TLL1: variants seen among roughly 807,000 people sequenced by gnomAD.
The protein encoded by TLL1 is tolloid-like protein 1.
Under a neutral mutation model 128.2 loss-of-function variants are expected in TLL1, and 49 were observed. The ratio of observed to expected loss-of-function variants is 0.38; its 90% CI spans 0.30 to 0.48. The LOEUF is 0.48. Among genes scored for constraint, TLL1 ranks in the 20% least tolerant of loss-of-function variants. The probability of loss-of-function intolerance (pLI) is 0.96; values close to 1 mark genes in which losing one functional copy is unlikely to be tolerated. For synonymous variants in TLL1, 454 were observed against 418.8 expected (o/e 1.08, Z -1.03); for missense variants, 1,123 against 1,242.0 (o/e 0.90, Z 1.44).
In TLL1 at chr4:166,101,292, C is replaced by T. The variant is rs149562352; in HGVS notation, c.*416C>T. 7.5e-6 allele frequency: 2 copies of T among 265,260 alleles called. No homozygotes were observed. The highest frequency in any genetic ancestry group is 4.6e-5 in the African/African-American group (2 of 43,904). The allele number at this position is 265,260 out of a possible 1,614,324, so 16.4% of individuals were successfully genotyped here. A position where few individuals can be genotyped will look rare whatever the true frequency, so the allele number is the denominator to read the frequency against. Reference sequence around the variant, plus strand: ...AACTGGAAAACAGTATTTTGGTTGTCTTAGGATAATTGCTGACTTTGTATC... The same window carrying T: ...AACTGGAAAACAGTATTTTGGTTGTTTTAGGATAATTGCTGACTTTGTATC... On this transcript the variant is annotated 3_prime_UTR_variant, in exon 21 of 21. Transcript: ENST00000061240.
intron 1 of TLL1, among the ~76,000 whole-genome samples, chr4:165,957,007 A>G (rs1734834681): frequency 6.6e-6 from 1 of 152,088 alleles, no homozygotes; most frequent in African/African-American, 2.4e-5. Context: ...AAATATCAGT[A>G]TTAACCTTAA....
At chr4:165,948,353 T>C (rs1734354899) in intron 1 of TLL1, among the ~76,000 whole-genome samples, 1 of 152,074 alleles carries the variant, frequency 6.6e-6, no homozygotes, top group Admixed American at 6.6e-5. Flanking sequence ...AGTTGAGAGA[T>C]TTTGGATTTT....
intron 18 of TLL1, among the ~76,000 whole-genome samples, chr4:166,081,258 G>C (rs1393740517): frequency 6.6e-6 from 1 of 152,120 alleles, no homozygotes; most frequent in Non-Finnish European, 1.5e-5. Context: ...CATTTCCTCT[G>C]CCTCCAGTGG....
At position 165,915,359 on chromosome 4, in the gene TLL1, T is replaced by TA. The variant is rs1367910771; in HGVS notation, c.169+41288dup. On this transcript the variant is annotated intron_variant, in intron 1 of 20. Coordinates refer to ENST00000061240, the MANE Select transcript of TLL1 (RefSeq NM_012464.5). Reference sequence around the variant, plus strand: ...TCTATATAAATACTGAGAACAGGATTAAGTCTTCCTGCAGTCTGAGTCAAA... The same window carrying TA: ...TCTATATAAATACTGAGAACAGGATTAAAGTCTTCCTGCAGTCTGAGTCAAA... Among the ~76,000 whole-genome samples the TA allele has an allele frequency of 3.3e-5, 5 of 152,342 alleles. No homozygotes were observed. In the East Asian group the frequency reaches 9.6e-4, roughly 29 times the overall value.
chr4:165,955,163 G>A (rs1038824025), intron 1 of TLL1, among the ~76,000 whole-genome samples: 2 of 152,004 alleles, frequency 1.3e-5, no homozygotes, highest in African/African-American at 4.8e-5. Context: ...AGAGCAAGCT[G>A]AGAAAAGAAT....
At chr4:166,094,435 A>C (rs1174307851) in intron 19 of TLL1, among the ~76,000 whole-genome samples, 1 of 152,092 alleles carries the variant, frequency 6.6e-6, no homozygotes, top group Non-Finnish European at 1.5e-5. Context: ...AAATCTTTTC[A>C]AAATATATAA....
intron 1 of TLL1, among the ~76,000 whole-genome samples, chr4:165,904,080 G>A (rs114058022): frequency 6.6e-5 from 10 of 151,630 alleles, no homozygotes; most frequent in African/African-American, 2.2e-4. Context: ...TTTTTATATG[G>A]CATCTTTTTC....
chr4:165,949,470 G>A (rs1734406222), intron 1 of TLL1, among the ~76,000 whole-genome samples: 1 of 152,120 alleles, frequency 6.6e-6, no homozygotes, highest in African/African-American at 2.4e-5. Flanking sequence ...ATTGTTTTAA[G>A]CCACTCTGCT....
At chr4:165,877,090 T>A (rs1479935638) in intron 1 of TLL1, among the ~76,000 whole-genome samples, 1 of 152,234 alleles carries the variant, frequency 6.6e-6, no homozygotes. Flanking sequence ...ATGAGATTTG[T>A]TTCTGAATTA....
At chr4:166,050,443 T>C (rs77514542) in intron 12 of TLL1, among the ~76,000 whole-genome samples, 14,940 of 152,284 alleles carry the variant, frequency 0.098, 758 homozygotes, top group South Asian at 0.13. Context: ...CTTTCAATTC[T>C]TTGGGGTATT....
chr4:166,063,794 G>A (rs998395376), intron 15 of TLL1, among the ~76,000 whole-genome samples: 1 of 152,064 alleles, frequency 6.6e-6, no homozygotes, highest in Non-Finnish European at 1.5e-5. Flanking sequence ...TGAACAATGA[G>A]AACACTTGGA....
intron 1 of TLL1, among the ~76,000 whole-genome samples, chr4:165,959,411 T>C (rs1734983369): frequency 6.6e-6 from 1 of 152,194 alleles, no homozygotes; most frequent in Non-Finnish European, 1.5e-5. Flanking sequence ...GTAGTTCTCC[T>C]TGAAGAGGTC....
intron 8 of TLL1, among the ~76,000 whole-genome samples, chr4:166,024,571 G>T (rs920210064): frequency 2.0e-5 from 3 of 152,134 alleles, no homozygotes; most frequent in African/African-American, 4.8e-5. Flanking sequence ...GTAGAATGGT[G>T]CTGAGAACTA....
chr4:165,919,030 G>A (rs1237083897), intron 1 of TLL1, among the ~76,000 whole-genome samples: 1 of 152,038 alleles, frequency 6.6e-6, no homozygotes, highest in Non-Finnish European at 1.5e-5. Context: ...CAGTAATAAT[G>A]GAATATATGT....
chr4:166,081,182 A>G (rs1741268132), intron 18 of TLL1, among the ~76,000 whole-genome samples: 1 of 152,132 alleles, frequency 6.6e-6, no homozygotes, highest in South Asian at 2.1e-4. Context: ...TCCTGAATCC[A>G]GGACTTCCCC....
chr4:165,899,005 T>C (rs574993598), intron 1 of TLL1, among the ~76,000 whole-genome samples: 21 of 152,336 alleles, frequency 1.4e-4, no homozygotes, highest in African/African-American at 5.1e-4. Flanking sequence ...GATTTTATAG[T>C]TTATTTGCAT....
chr4:165,891,691 C>T (rs1731412155), intron 1 of TLL1, among the ~76,000 whole-genome samples: 1 of 152,176 alleles, frequency 6.6e-6, no homozygotes, highest in African/African-American at 2.4e-5. Context: ...ATATGGCTAT[C>T]AGTATTTTGG....
intron 12 of TLL1, chr4:166,044,534 A>G (rs1427828219): frequency 3.0e-6 from 3 of 1,011,202 alleles, no homozygotes; most frequent in Non-Finnish European, 4.3e-6. Context: ...TATACTTTCT[A>G]CTTTAATCAT....
chr4:166,065,392 A>G (rs1301289641), intron 15 of TLL1, among the ~76,000 whole-genome samples: 1 of 152,026 alleles, frequency 6.6e-6, no homozygotes, highest in African/African-American at 2.4e-5. Flanking sequence ...CCTTGTTGTT[A>G]ATCACCAGTG....
Sources: gnomAD v4.1 joint callset for allele counts (sites outside exome capture counted in the v4.1 genomes callset) on GRCh38, gnomAD v4.1.1 for gene constraint, MANE v1.5 for transcripts, NCBI Gene and HGNC (gene_info 2026-07-23, HGNC 2026-07-21) for gene names.